Variants in CASD1 observed in about 807,000 individuals in gnomAD.
CASD1 encodes the protein CAS1 domain sialic acid O acetyltransferase 1.
Under a neutral mutation model 100.0 loss-of-function variants are expected in CASD1, and 41 were observed. That is an observed-to-expected ratio of 0.41 (90% CI 0.32 to 0.53). CASD1 has a LOEUF of 0.53. Among genes scored for constraint, CASD1 ranks in the 20% least tolerant of loss-of-function variants. The pLI, the probability that CASD1 is intolerant of heterozygous loss-of-function variation, is 0.25. For synonymous variants in CASD1, 321 were observed against 315.6 expected (o/e 1.02, Z -0.18); for missense variants, 774 against 948.7 (o/e 0.82, Z 2.42).
the CASD1 span, among the ~76,000 whole-genome samples, chr7:94,576,051 T>A: frequency 6.6e-6 from 1 of 152,206 alleles, no homozygotes; most frequent in East Asian, 1.9e-4. Context: ...CATTGTTTCT[T>A]GATGTATTCT....
At position 94,517,577 on chromosome 7, in the gene CASD1, T is replaced by C. The variant is rs1463196318; in HGVS notation, c.151T>C (p.Tyr51His). 1 of 1,611,566 alleles carries C rather than the reference T, an allele frequency of 6.2e-7. No individual in the cohort carries two copies. The highest frequency in any genetic ancestry group is 1.3e-5 in the African/African-American group (1 of 74,866). ...TGTTTTAGGCAATGATTCGTGTGAA[T>C]ACCTTCTCTCAAGTGGCAGATTTCT... ...RRYRGNDSCE[Y>H]LLSSGRFLGE... is the part of the protein sequence containing the mutation. Residue 51 changes from tyrosine to histidine, a missense_variant, in exon 2 of 18, where the codon TAC (tyrosine) becomes CAC (histidine). Physicochemically the swap from Tyr to His is moderately conservative, Grantham distance 83. Transcript: ENST00000297273.
chr7:94,595,073 G>T, the CASD1 span, among the ~76,000 whole-genome samples: 1 of 152,060 alleles, frequency 6.6e-6, no homozygotes. Context: ...TCTAATCTCA[G>T]TTCTGACCTA....
chr7:94,599,789 G>T, the CASD1 span: 2 of 1,107,236 alleles, frequency 1.8e-6, no homozygotes, highest in Non-Finnish European at 1.4e-6. Context: ...AAGACTATAT[G>T]CTCATGGGAT....
chr7:94,516,917 A>T (rs6945754), intron 1 of CASD1, among the ~76,000 whole-genome samples: 76,859 of 148,554 alleles, frequency 0.52, 20,514 homozygotes, highest in South Asian at 0.73. Flanking sequence ...TTTTTTTTTT[A>T]AAATGAGGCA....
At chr7:94,624,118 C>G in the CASD1 span, 3 of 389,338 alleles carry the variant, frequency 7.7e-6, no homozygotes, top group Admixed American at 9.1e-5. Context: ...GCCTATTTAA[C>G]TTTATAACAG....
chr7:94,524,531 A>G (rs1285179648), intron 3 of CASD1, among the ~76,000 whole-genome samples: 1 of 152,148 alleles, frequency 6.6e-6, no homozygotes, highest in Non-Finnish European at 1.5e-5. Flanking sequence ...TAGATGTCTT[A>G]TAACTGCTAG....
the CASD1 span, among the ~76,000 whole-genome samples, chr7:94,605,011 T>C: frequency 1.3e-5 from 2 of 151,478 alleles, no homozygotes; most frequent in Non-Finnish European, 2.9e-5. Context: ...TACAGAATTC[T>C]TCCCCTCCCA....
chr7:94,571,354 A>G, the CASD1 span, among the ~76,000 whole-genome samples: 1 of 151,322 alleles, frequency 6.6e-6, no homozygotes, highest in African/African-American at 2.4e-5. Flanking sequence ...CACACTTCCC[A>G]CCCCCATTTT....
chr7:94,612,002 C>A, the CASD1 span, among the ~76,000 whole-genome samples: 1 of 152,152 alleles, frequency 6.6e-6, no homozygotes, highest in African/African-American at 2.4e-5. Context: ...CGATTTAAAA[C>A]AAGTTATTAC....
chr7:94,537,045 G>A (rs2116333713), intron 8 of CASD1, among the ~76,000 whole-genome samples: 1 of 151,600 alleles, frequency 6.6e-6, no homozygotes, highest in East Asian at 1.9e-4. Context: ...GGTATCTTCT[G>A]TTTTGAAAGT....
Position 94,545,654 on chromosome 7 carries a change from A to G in CASD1, c.1586A>G (p.Tyr529Cys). ...GTCACTGTATGGTTCATGGTCATAT[A>G]TGTTACTTTAGCACTATGGCCACAA... ...PLVTVWFMVI[Y>C]VTLALWPQII... The change falls in exon 12 of 18, where the codon TAT (tyrosine) becomes TGT (cysteine). Residue 529 changes from tyrosine (Y) to cysteine (C), a missense_variant. Physicochemically the swap from Tyr to Cys is radical, Grantham distance 194 (BLOSUM62 -2). Coordinates refer to ENST00000297273, the MANE Select transcript of CASD1 (RefSeq NM_022900.5). 2 of 1,610,018 alleles carry G rather than the reference A, an allele frequency of 1.2e-6. No individual in the cohort carries two copies. Among genetic ancestry groups the G allele is most frequent in the Non-Finnish European group, 1.7e-6 (2 of 1,177,298 alleles).
chr7:94,549,580 T>G lies in CASD1; in HGVS notation c.1761T>G (p.Phe587Leu). ...CTCTTTGGCCATTGTCCAAGTGTTT[T>G]GAACTGAAAGGGAATGTATATGAAT... ...IFSLWPLSKC[F>L]ELKGNVYEWW... is the part of the protein sequence containing the mutation. Residue 587 changes from phenylalanine to leucine, a missense_variant, in exon 14 of 18, where the codon TTT (phenylalanine) becomes TTG (leucine). Phe to Leu is a conservative substitution (Grantham distance 22, BLOSUM62 0). Coordinates refer to ENST00000297273, the MANE Select transcript of CASD1 (RefSeq NM_022900.5). 4.3e-6 allele frequency: 7 copies of G among 1,611,578 alleles called. No individual in the cohort carries two copies. Among genetic ancestry groups the G allele is most frequent in the Non-Finnish European group, 5.9e-6 (7 of 1,178,618 alleles).
the CASD1 span, among the ~76,000 whole-genome samples, chr7:94,592,792 T>C: frequency 2.6e-5 from 4 of 152,134 alleles, no homozygotes; most frequent in Non-Finnish European, 5.9e-5. Context: ...ATATTGCTAC[T>C]TGTTTCAAAC....
chr7:94,613,700 A>G, the CASD1 span, among the ~76,000 whole-genome samples: 1 of 152,192 alleles, frequency 6.6e-6, no homozygotes, highest in Non-Finnish European at 1.5e-5. Context: ...AGCCAAATAT[A>G]TGGATCCAAT....
At chr7:94,563,082 A>G in the CASD1 span, among the ~76,000 whole-genome samples, 1 of 152,162 alleles carries the variant, frequency 6.6e-6, no homozygotes, top group Non-Finnish European at 1.5e-5. Flanking sequence ...TAGAAACAGC[A>G]GTATCACCTT....
At chr7:94,545,166 G>A (rs1259315741) in intron 11 of CASD1, among the ~76,000 whole-genome samples, 2 of 152,022 alleles carry the variant, frequency 1.3e-5, no homozygotes, top group Non-Finnish European at 2.9e-5. Context: ...AATCCCAAAT[G>A]GGGTAAGTCA....
At chr7:94,528,439 C>A (rs1344961107) in intron 5 of CASD1, among the ~76,000 whole-genome samples, 189 bp downstream of exon 5, 1 of 152,090 alleles carries the variant, frequency 6.6e-6, no homozygotes, top group African/African-American at 2.4e-5. Context: ...TCCAATATCT[C>A]TGCTCCATTA....
intron 3 of CASD1, among the ~76,000 whole-genome samples, chr7:94,521,677 T>C (rs890466833): frequency 2.0e-5 from 3 of 152,216 alleles, no homozygotes; most frequent in African/African-American, 7.2e-5. Flanking sequence ...ACCATACATA[T>C]ACATATGATA....
intron 3 of CASD1, among the ~76,000 whole-genome samples, chr7:94,519,020 A>G (rs1173957733): frequency 3.9e-5 from 6 of 152,138 alleles, no homozygotes; most frequent in East Asian, 1.9e-4. Context: ...AATTATTTCA[A>G]TTTATACTAA....
Sources: gnomAD v4.1 joint callset for allele counts (sites outside exome capture counted in the v4.1 genomes callset) on GRCh38, gnomAD v4.1.1 for gene constraint, MANE v1.5 for transcripts, NCBI Gene and HGNC (gene_info 2026-07-23, HGNC 2026-07-21) for gene names.